LRP1B: variants seen among roughly 807,000 people sequenced by gnomAD.
LRP1B encodes low-density lipoprotein receptor-related protein 1B.
LRP1B carries 217 observed loss-of-function variants against 556.6 expected under a neutral mutation model. The ratio of observed to expected loss-of-function variants is 0.39; its 90% CI spans 0.35 to 0.44. The LOEUF (loss-of-function observed/expected upper bound fraction) is 0.44. Ranked by LOEUF, LRP1B falls within the 20% of genes least tolerant of loss-of-function variation. The probability of loss-of-function intolerance (pLI) is 1.00; values close to 1 mark genes in which losing one functional copy is unlikely to be tolerated. For missense variants in LRP1B, 5,053 were observed against 5,620.8 expected (o/e 0.90, Z 3.23); for synonymous variants, 2,047 against 1,865.8 (o/e 1.10, Z -2.50).
At position 141,590,282 on chromosome 2, in the gene LRP1B, T is replaced by C. The variant is rs548148952; in HGVS notation, c.206-109749A>G. 7.2e-5 allele frequency among the ~76,000 whole-genome samples: 11 copies of C among 152,310 alleles called. No homozygotes were observed. The East Asian group carries it at 2.1e-3, about 29-fold the overall frequency. The stretch of plus-strand genomic sequence containing the variant: ...ATGAAACATATGAACTAAATTGTGT[T>C]TGCCTGACATAAGCTGAATTTAAAA... On this transcript the variant is annotated intron_variant, in intron 2 of 90. Transcript: ENST00000389484.
chr2:141,215,541 A>T (rs1247533301), intron 6 of LRP1B, among the ~76,000 whole-genome samples: 1 of 152,130 alleles, frequency 6.6e-6, no homozygotes, highest in African/African-American at 2.4e-5. Flanking sequence ...TTTCTTAGGG[A>T]CTGGGTATAT....
intron 41 of LRP1B, among the ~76,000 whole-genome samples, chr2:140,688,595 T>A (rs1482652111): frequency 2.0e-5 from 3 of 152,214 alleles, no homozygotes; most frequent in Non-Finnish European, 4.4e-5. Flanking sequence ...CCTCCATATA[T>A]GTTTGCAGCC....
intron 18 of LRP1B, among the ~76,000 whole-genome samples, chr2:140,955,361 T>A (rs186233101): frequency 1.1e-3 from 164 of 152,038 alleles, no homozygotes; most frequent in African/African-American, 3.8e-3. Flanking sequence ...TCATTACGAA[T>A]TCTTATATTT....
At chr2:140,294,570 G>A (rs1422961799) in intron 84 of LRP1B, among the ~76,000 whole-genome samples, 1 of 152,160 alleles carries the variant, frequency 6.6e-6, no homozygotes, top group Non-Finnish European at 1.5e-5. Context: ...TGTTTAAGCT[G>A]AGCAGAGTCA....
At chr2:140,265,904 T>G (rs1682180891) in intron 86 of LRP1B, among the ~76,000 whole-genome samples, 1 of 151,978 alleles carries the variant, frequency 6.6e-6, no homozygotes, top group African/African-American at 2.4e-5. Flanking sequence ...TAATTTTACT[T>G]ATAGTCATTT....
intron 2 of LRP1B, among the ~76,000 whole-genome samples, chr2:141,755,799 C>T (rs1369503365): frequency 6.6e-6 from 1 of 151,930 alleles, no homozygotes; most frequent in African/African-American, 2.4e-5. Flanking sequence ...CCCTACTCTA[C>T]CTATAGGGTA....
chr2:140,626,498 C>T lies in LRP1B; in HGVS notation c.6800-24859G>A, dbSNP rs189320794. On this transcript the variant is annotated intron_variant, in intron 41 of 90. Transcript: ENST00000389484. ...TGGGAATTTCTGTACTTTTTATTTACTCAATTTTGCTGTGAACATAAAACT... is the reference window on the plus strand; with the variant it reads ...TGGGAATTTCTGTACTTTTTATTTATTCAATTTTGCTGTGAACATAAAACT... 2.8e-4 allele frequency among the ~76,000 whole-genome samples: 42 copies of T among 152,080 alleles called. No homozygotes were observed. The East Asian group carries it at 7.9e-3, about 29-fold the overall frequency.
intron 66 of LRP1B, among the ~76,000 whole-genome samples, chr2:140,397,857 A>G (rs1373873142): frequency 6.6e-6 from 1 of 152,148 alleles, no homozygotes; most frequent in African/African-American, 2.4e-5. Context: ...GACATTCACC[A>G]CATTTTTGTA....
chr2:140,625,480 A>T (rs1296878799), intron 41 of LRP1B, among the ~76,000 whole-genome samples: 2 of 152,330 alleles, frequency 1.3e-5, no homozygotes, highest in East Asian at 3.9e-4. Context: ...CAAAACATGC[A>T]TCTAATGAAG....
At chr2:141,705,452 A>C (rs115935209) in intron 2 of LRP1B, among the ~76,000 whole-genome samples, 79 of 152,050 alleles carry the variant, frequency 5.2e-4, no homozygotes, top group Non-Finnish European at 5.4e-4. Flanking sequence ...TACTGGGAAA[A>C]TCATGAAGGT....
intron 2 of LRP1B, among the ~76,000 whole-genome samples, chr2:141,563,049 A>C (rs1686218819): frequency 6.6e-6 from 1 of 152,056 alleles, no homozygotes; most frequent in Non-Finnish European, 1.5e-5. Flanking sequence ...TTGAGCAAAC[A>C]GAACTGGATA....
At position 140,851,834 on chromosome 2, in the gene LRP1B, G is replaced by C. The variant is rs781265348; in HGVS notation, c.4580-51C>G. On this transcript the variant is annotated intron_variant, in intron 27 of 90. Transcript: ENST00000389484. Reference sequence around the variant, plus strand: ...CAGTGAAGAAGGAAGAATGTATTAGGGAAGCTCTGAGGTTGACAGGGGTTA... The same window carrying C: ...CAGTGAAGAAGGAAGAATGTATTAGCGAAGCTCTGAGGTTGACAGGGGTTA... 4 of 1,537,272 alleles carry C rather than the reference G, an allele frequency of 2.6e-6. No individual in the cohort carries two copies. The Admixed American group carries it at 8.8e-5, about 34-fold the overall frequency.
chr2:141,923,391 TTATCTCTGTCACTATATATATATATATA>T (rs1486118878), intron 1 of LRP1B, among the ~76,000 whole-genome samples: 4 of 21,004 alleles, frequency 1.9e-4, no homozygotes, highest in Non-Finnish European at 3.0e-4. Context: ...TTTAATGAAA[TTATCTCTGTCACTATATATATATATATA>T]TATAGTGACA....
intron 66 of LRP1B, among the ~76,000 whole-genome samples, chr2:140,431,156 G>C (rs1410369792): frequency 6.6e-6 from 1 of 152,092 alleles, no homozygotes; most frequent in African/African-American, 2.4e-5. Flanking sequence ...TTAGTATTCA[G>C]TGAAACCTTT....
chr2:140,962,839 A>G (rs1318097319), intron 18 of LRP1B, among the ~76,000 whole-genome samples: 2 of 152,174 alleles, frequency 1.3e-5, no homozygotes, highest in African/African-American at 2.4e-5. Flanking sequence ...ATGTGGTCAT[A>G]TTGCCAATGA....
chr2:140,403,242 C>T (rs947705614), intron 66 of LRP1B, among the ~76,000 whole-genome samples: 6 of 152,040 alleles, frequency 3.9e-5, no homozygotes, highest in Non-Finnish European at 8.8e-5. Flanking sequence ...CTCTAACACA[C>T]GATCACACTA....
intron 1 of LRP1B, among the ~76,000 whole-genome samples, chr2:142,122,681 T>A (rs774775202): frequency 2.0e-5 from 3 of 152,026 alleles, no homozygotes; most frequent in Non-Finnish European, 4.4e-5. Context: ...GGATGCCCAG[T>A]GGGCACAATC....
intron 85 of LRP1B, among the ~76,000 whole-genome samples, chr2:140,271,006 T>C (rs6736463): frequency 6.6e-6 from 1 of 151,956 alleles, no homozygotes; most frequent in Non-Finnish European, 1.5e-5. Flanking sequence ...CAGGCTTTCT[T>C]GAAAAACTTA....
At chr2:141,892,476 C>T (rs1475340460) in intron 1 of LRP1B, among the ~76,000 whole-genome samples, 1 of 116,182 alleles carries the variant, frequency 8.6e-6, no homozygotes, top group Non-Finnish European at 1.8e-5. Flanking sequence ...GTGATATGCA[C>T]ATTCATCTTT....
Sources: allele counts gnomAD v4.1 joint callset (sites outside exome capture counted in the v4.1 genomes callset), GRCh38; gene constraint gnomAD v4.1.1; transcripts MANE v1.5; gene names NCBI Gene and HGNC (gene_info 2026-07-23, HGNC 2026-07-21).